Variants in STK39 observed in about 807,000 individuals in gnomAD.
STK39 encodes serine/threonine kinase 39.
STK39 carries 20 observed loss-of-function variants against 77.8 expected under a neutral mutation model. The ratio of observed to expected loss-of-function variants is 0.26; its 90% confidence interval spans 0.18 to 0.37. The LOEUF is 0.37. Among genes scored for constraint, STK39 ranks in the 10% least tolerant of loss-of-function variants. The pLI, the probability that STK39 is intolerant of heterozygous loss-of-function variation, is 1.00. For synonymous variants in STK39, 246 were observed against 234.1 expected, an observed-to-expected ratio of 1.05 and a Z score of -0.47; for missense variants, 479 against 656.5, an observed-to-expected ratio of 0.73 and a Z score of 2.95.
intron 16 of STK39, among the ~76,000 whole-genome samples, chr2:167,970,609 G>A (rs1692308205): frequency 6.6e-6 from 1 of 152,180 alleles, no homozygotes; most frequent in African/African-American, 2.4e-5. Flanking sequence ...CTATTCGTTT[G>A]CCCTGTTAAA....
chr2:168,066,211 T>C (rs1381761281), intron 12 of STK39, among the ~76,000 whole-genome samples: 2 of 152,194 alleles, frequency 1.3e-5, no homozygotes, highest in Non-Finnish European at 2.9e-5. Flanking sequence ...AAAATAACTA[T>C]GGTGGTAGTG....
intron 1 of STK39, among the ~76,000 whole-genome samples, chr2:168,207,143 A>T (rs1689762774): frequency 6.6e-6 from 1 of 152,210 alleles, no homozygotes; most frequent in Admixed American, 6.5e-5. Context: ...AATGACCAAG[A>T]TCACACTAAG....
intron 2 of STK39, among the ~76,000 whole-genome samples, chr2:168,179,283 A>C (rs1689024950): frequency 6.6e-6 from 1 of 152,254 alleles, no homozygotes; most frequent in Non-Finnish European, 1.5e-5. Context: ...TGCAAGCAAC[A>C]GCAGTATTAG....
intron 16 of STK39, among the ~76,000 whole-genome samples, chr2:167,989,988 C>T (rs1683657132): frequency 1.3e-5 from 2 of 151,902 alleles, no homozygotes; most frequent in African/African-American, 4.8e-5. Flanking sequence ...TGAGCTATAA[C>T]ACAAGGGCTA....
chr2:167,988,064 C>T lies in STK39; in HGVS notation c.1499-23338G>A, dbSNP rs371833407. On this transcript the variant is annotated intron_variant, in intron 16 of 17. Coordinates refer to ENST00000355999, the MANE Select transcript of STK39 (RefSeq NM_013233.3). ...GGGAGGGACAGAGGCAAGATTTGAA[C>T]GCAGGCAGTTTGGCTCTCTGGTGAT... 3.9e-4 allele frequency among the ~76,000 whole-genome samples: 60 copies of T among 152,262 alleles called. 1 individual carries two copies. Among genetic ancestry groups the T allele is most frequent in the African/African-American group, 1.2e-3 (48 of 41,534 alleles).
At chr2:168,053,696 A>G (rs1441097128) in intron 14 of STK39, among the ~76,000 whole-genome samples, 1 of 152,200 alleles carries the variant, frequency 6.6e-6, no homozygotes, top group Non-Finnish European at 1.5e-5. Flanking sequence ...CCCTTATACC[A>G]ATTTTTTCTG....
At chr2:168,207,252 T>C (rs1689765420) in intron 1 of STK39, among the ~76,000 whole-genome samples, 1 of 152,274 alleles carries the variant, frequency 6.6e-6, no homozygotes, top group African/African-American at 2.4e-5. Flanking sequence ...CCTTTTTTGT[T>C]GTTGCATTAC....
intron 16 of STK39, among the ~76,000 whole-genome samples, chr2:167,999,210 C>T (rs1683929452): frequency 6.6e-6 from 1 of 152,214 alleles, no homozygotes; most frequent in African/African-American, 2.4e-5. Context: ...TCAAATGTCT[C>T]CCTCAGAGGG....
At chr2:168,236,992 G>A (rs1034082614) in intron 1 of STK39, among the ~76,000 whole-genome samples, 1 of 152,062 alleles carries the variant, frequency 6.6e-6, no homozygotes, top group African/African-American at 2.4e-5. Context: ...GAAAGTCATT[G>A]GTAGCTTGAT....
chr2:167,965,843 T>C (rs1219606437), intron 16 of STK39, among the ~76,000 whole-genome samples: 1 of 152,142 alleles, frequency 6.6e-6, no homozygotes, highest in Non-Finnish European at 1.5e-5. Flanking sequence ...AAGTAGAAAG[T>C]AGTAAGAAAT....
chr2:168,207,969 CA>C (rs1218758316), intron 1 of STK39, among the ~76,000 whole-genome samples: 6 of 152,042 alleles, frequency 3.9e-5, no homozygotes, highest in Non-Finnish European at 5.9e-5. Context: ...GTGGGAAAGG[CA>C]AGATCAGAGA....
chr2:167,955,724 G>A (rs531616510), intron 17 of STK39, among the ~76,000 whole-genome samples, 154 bp from the exon 18 acceptor site: 4 of 152,242 alleles, frequency 2.6e-5, no homozygotes, highest in African/African-American at 7.2e-5. Context: ...CCACTCTCTC[G>A]AATGACTACT....
At chr2:168,237,013 T>C (rs1690630812) in intron 1 of STK39, among the ~76,000 whole-genome samples, 2 of 152,254 alleles carry the variant, frequency 1.3e-5, no homozygotes, top group Non-Finnish European at 2.9e-5. Flanking sequence ...GGGGATGGCA[T>C]TGAATCTATA....
rs542822303 is a variant in STK39, at chr2:168,193,282, A to G, written c.209-11192T>C. Among the ~76,000 whole-genome samples the G allele has an allele frequency of 4.6e-5, 7 of 152,266 alleles. 1 individual carries two copies. The South Asian group carries it at 1.5e-3, about 32-fold the overall frequency. On this transcript the variant is annotated intron_variant, in intron 1 of 17. Transcript: ENST00000355999. ...TACAGGAAGTCAGGTCACCCTCTGC[A>G]TGGTAGAAGTCTTTCTTCCCCCCCC...
At chr2:168,032,486 A>C (rs1559065767) in intron 14 of STK39, among the ~76,000 whole-genome samples, 1 of 152,242 alleles carries the variant, frequency 6.6e-6, no homozygotes, top group South Asian at 2.1e-4. Flanking sequence ...AATTTCCTTC[A>C]TAATGGTTTC....
intron 16 of STK39, among the ~76,000 whole-genome samples, chr2:167,997,983 T>C (rs1683890669): frequency 6.6e-6 from 1 of 152,248 alleles, no homozygotes; most frequent in South Asian, 2.1e-4. Flanking sequence ...ATGGAGGCTA[T>C]ACAGTGCTGT....
At chr2:168,046,246 G>A (rs1489460466) in intron 14 of STK39, among the ~76,000 whole-genome samples, 1 of 152,110 alleles carries the variant, frequency 6.6e-6, no homozygotes, top group Non-Finnish European at 1.5e-5. Flanking sequence ...CATGCCTGTA[G>A]TCCCAGCTAT....
At chr2:167,996,332 G>C (rs1449418691) in intron 16 of STK39, among the ~76,000 whole-genome samples, 1 of 152,124 alleles carries the variant, frequency 6.6e-6, no homozygotes, top group Non-Finnish European at 1.5e-5. Context: ...ATTTTCTAAA[G>C]CATCCTGGTT....
At chr2:168,223,064 G>A (rs375944249) in intron 1 of STK39, among the ~76,000 whole-genome samples, 2 of 152,106 alleles carry the variant, frequency 1.3e-5, no homozygotes, top group East Asian at 3.9e-4. Context: ...CAGATTTGGT[G>A]CTGAAACACC....
Sources: gnomAD v4.1 joint callset for allele counts (sites outside exome capture counted in the v4.1 genomes callset) on GRCh38, gnomAD v4.1.1 for gene constraint, MANE v1.5 for transcripts, NCBI Gene and HGNC (gene_info 2026-07-23, HGNC 2026-07-21) for gene names.